The following DNAH14 variants were observed in gnomAD, a reference collection of about 807,000 sequenced individuals.
The protein encoded by DNAH14 is axonemal beta dynein heavy chain 14.
In DNAH14, 478 loss-of-function variants were observed where a neutral mutation model predicts 520.9. The observed-to-expected ratio is 0.92, with a 90% CI of 0.85 to 0.99. The LOEUF is 0.99. Ranked by LOEUF, DNAH14 falls within the 50% of genes least tolerant of loss-of-function variation. DNAH14 has a pLI of 0.00. For missense variants in DNAH14, 4,831 were observed against 5,234.5 expected (o/e 0.92, Z 2.38); for synonymous variants, 1,581 against 1,757.2 (o/e 0.90, Z 2.51).
intron 42 of DNAH14, among the ~76,000 whole-genome samples, chr1:225,237,538 A>C (rs2091679397): frequency 6.6e-6 from 1 of 152,096 alleles, no homozygotes; most frequent in African/African-American, 2.4e-5. Flanking sequence ...GGCTGCCCTT[A>C]ACATTTTTTC....
intron 66 of DNAH14, among the ~76,000 whole-genome samples, chr1:225,336,424 C>G (rs2150355364): frequency 6.6e-6 from 1 of 152,010 alleles, no homozygotes. Context: ...CAACTGTTAA[C>G]AATTCTAAAT....
In DNAH14 at chr1:225,078,796, CTCTCTCTCTCTCTCTCTCTCTCTCTCT is replaced by C. The variant is rs1310483115; in HGVS notation, c.2425-410_2425-384del. On this transcript the variant is annotated intron_variant, in intron 17 of 85. Transcript: ENST00000682510. ...TCTCTCTCTCTCTCTCTCTCTCTCT[CTCTCTCTCTCTCTCTCTCTCTCTCTCT>C]CCCTCTCTCTCTCTCTCTCCCTCTC... Among the ~76,000 whole-genome samples, 77 of 52,990 alleles carry C rather than the reference CTCTCTCTCTCTCTCTCTCTCTCTCTCT, an allele frequency of 1.5e-3. 1 individual carries two copies. Among genetic ancestry groups the C allele is most frequent in the African/African-American group, 2.3e-3 (48 of 20,962 alleles). The allele number at this position is 52,990 out of a possible 152,430, so 34.8% of individuals were successfully genotyped here. A position where few individuals can be genotyped will look rare whatever the true frequency, so the allele number is the denominator to read the frequency against.
chr1:225,021,822 C>T (rs1320596891), intron 10 of DNAH14, among the ~76,000 whole-genome samples: 1 of 151,920 alleles, frequency 6.6e-6, no homozygotes, highest in Non-Finnish European at 1.5e-5. Flanking sequence ...CCTGAATTGC[C>T]AAAGCAATCC....
intron 75 of DNAH14, among the ~76,000 whole-genome samples, chr1:225,364,396 C>G (rs886687322): frequency 6.6e-6 from 1 of 152,066 alleles, no homozygotes; most frequent in Non-Finnish European, 1.5e-5. Context: ...TCTCTTCCCT[C>G]TATTTATTTA....
intron 54 of DNAH14, among the ~76,000 whole-genome samples, chr1:225,281,226 G>C (rs2093620942): frequency 6.6e-6 from 1 of 152,164 alleles, no homozygotes; most frequent in South Asian, 2.1e-4. Context: ...GGGAGAATCT[G>C]TTCCTTTTCT....
Position 225,289,948 on chromosome 1 carries a change from A to G in DNAH14, c.8335A>G (p.Lys2779Glu), listed in dbSNP as rs2093828677. The change falls in exon 55 of 86, where the codon AAA (lysine) becomes GAA (glutamate). Residue 2779 changes from lysine (K) to glutamate (E), a missense_variant. By Grantham distance (56) the Lys-to-Glu change is moderately conservative (BLOSUM62 1). Transcript: ENST00000682510. ...CTTGGCCTGTTATTTGACAGATAAT[A>G]AACTATACCGAGTGCCTATATCTCA... ...ATLACYLTDN[K>E]LYRVPISHKC... 13 of 1,533,950 alleles carry G rather than the reference A, an allele frequency of 8.5e-6. No homozygotes were observed. The highest frequency in any genetic ancestry group is 9.7e-6 in the Non-Finnish European group (11 of 1,138,238).
At chr1:225,098,473 T>C (rs1017500206) in intron 22 of DNAH14, among the ~76,000 whole-genome samples, 1 of 152,236 alleles carries the variant, frequency 6.6e-6, no homozygotes, top group Non-Finnish European at 1.5e-5. Context: ...TTGAAAGGCC[T>C]ATTATAGCAA....
At chr1:225,016,278 A>G (rs2065212405) in intron 10 of DNAH14, among the ~76,000 whole-genome samples, 2 of 152,154 alleles carry the variant, frequency 1.3e-5, no homozygotes, top group South Asian at 4.1e-4. Context: ...GCTTATCTGT[A>G]AAAGATTCTA....
At chr1:225,157,282 A>G (rs2081137036) in intron 34 of DNAH14, among the ~76,000 whole-genome samples, 2 of 152,210 alleles carry the variant, frequency 1.3e-5, no homozygotes, top group African/African-American at 2.4e-5. Context: ...ATACACTTAA[A>G]AGATTTATAG....
chr1:225,290,252 C>T (rs1176368144), intron 55 of DNAH14, among the ~76,000 whole-genome samples, 170 bp downstream of exon 55: 1 of 151,930 alleles, frequency 6.6e-6, no homozygotes, highest in African/African-American at 2.4e-5. Context: ...AGTCATAGCC[C>T]ACACAGTTTA....
At chr1:224,978,734 G>A (rs571659174) in intron 8 of DNAH14, among the ~76,000 whole-genome samples, 1 of 152,152 alleles carries the variant, frequency 6.6e-6, no homozygotes, top group African/African-American at 2.4e-5. Flanking sequence ...AAACTCCTGG[G>A]CTGAAGCAGT....
intron 36 of DNAH14, among the ~76,000 whole-genome samples, chr1:225,179,994 C>A (rs1252276574): frequency 6.6e-6 from 1 of 151,982 alleles, no homozygotes; most frequent in Non-Finnish European, 1.5e-5. Context: ...TGTATCAGAA[C>A]CCCTTTAAGT....
Position 225,144,389 on chromosome 1 carries a change from G to A in DNAH14, c.4509-8G>A. On this transcript the variant is annotated splice_polypyrimidine_tract_variant and splice_region_variant and intron_variant, in intron 28 of 85. Coordinates refer to ENST00000682510, the MANE Select transcript of DNAH14 (RefSeq NM_001367479.1). ...AAATAATATGAACATTTAAAATTTG[G>A]CTTTCAGACATTTGCAATATAAATG... 6.5e-7 allele frequency: 1 copy of A among 1,530,984 alleles called. No homozygotes were observed. The highest frequency in any genetic ancestry group is 8.8e-7 in the Non-Finnish European group (1 of 1,131,144). 94.8% of individuals were successfully genotyped at this position (1,530,984 alleles called of 1,614,324 possible). A position where few individuals can be genotyped will look rare whatever the true frequency, so the allele number is the denominator to read the frequency against.
chr1:225,389,620 G>A, intron 82 of DNAH14, 114 bp from the exon 83 acceptor site: 1 of 1,229,598 alleles, frequency 8.1e-7, no homozygotes, highest in Non-Finnish European at 1.1e-6. Context: ...TCCTGCATTG[G>A]GGGAATCGAA....
intron 9 of DNAH14, among the ~76,000 whole-genome samples, chr1:225,004,737 A>C (rs774317054): frequency 3.3e-5 from 5 of 152,152 alleles, no homozygotes; most frequent in Non-Finnish European, 7.4e-5. Context: ...TGGGGTCAGG[A>C]GTCAAGGTGG....
chr1:225,221,294 A>G (rs2090032159), intron 41 of DNAH14, among the ~76,000 whole-genome samples: 1 of 152,254 alleles, frequency 6.6e-6, no homozygotes, highest in South Asian at 2.1e-4. Flanking sequence ...AACAAAAGCC[A>G]AAATTGACAA....
At chr1:225,154,246 A>G (rs1368591293) in intron 34 of DNAH14, among the ~76,000 whole-genome samples, 1 of 152,124 alleles carries the variant, frequency 6.6e-6, no homozygotes, top group Non-Finnish European at 1.5e-5. Context: ...AAATCATAAC[A>G]TCTTAAAGGA....
rs1277978661 is a variant in DNAH14 at position 224,991,117 on chromosome 1, C to T, written c.831-11666C>T. Among the ~76,000 whole-genome samples the T allele has an allele frequency of 1.4e-4, 10 of 72,584 alleles. No individual in the cohort carries two copies. In the South Asian group the frequency reaches 1.5e-3, roughly 11 times the overall value. The allele number at this position is 72,584 out of a possible 152,430, so 47.6% of individuals were successfully genotyped here. On this transcript the variant is annotated intron_variant, in intron 8 of 85. Transcript: ENST00000682510. ...TTTTTTTTTTTTTTTTTTTTTGAGA[C>T]GGAGTCTTCCTCTGTTGCCCAGGCT...
Position 224,967,492 on chromosome 1 carries a change from T to C in DNAH14, c.560T>C (p.Leu187Pro). ...YCLPRKSPKS[L>P]YNPYDLQVVS... ...CTTCCTCGGAAAAGTCCTAAATCCCTTTACAATCCATATGATCTTCAGGTA... is the reference window on the plus strand; with the variant it reads ...CTTCCTCGGAAAAGTCCTAAATCCCCTTACAATCCATATGATCTTCAGGTA... The change falls in exon 6 of 86, where the codon CTT becomes CCT. Residue 187 changes from leucine (L) to proline (P), a missense_variant. Leu to Pro is a moderately conservative substitution (Grantham distance 98, BLOSUM62 -3). Coordinates refer to ENST00000682510, the MANE Select transcript of DNAH14 (RefSeq NM_001367479.1). 6.2e-7 allele frequency: 1 copy of C among 1,601,936 alleles called. No individual in the cohort carries two copies. Among genetic ancestry groups the C allele is most frequent in the South Asian group, 1.1e-5 (1 of 88,760 alleles).
Sources: gnomAD v4.1 joint callset for allele counts (sites outside exome capture counted in the v4.1 genomes callset) on GRCh38, gnomAD v4.1.1 for gene constraint, MANE v1.5 for transcripts, NCBI Gene and HGNC (gene_info 2026-07-23, HGNC 2026-07-21) for gene names.